The following LARP1B variants were observed in gnomAD, a reference collection of about 807,000 sequenced individuals.
The protein encoded by LARP1B is La ribonucleoprotein 1B.
A neutral mutation model predicts 114.2 loss-of-function variants in LARP1B; 76 were observed. The ratio of observed to expected loss-of-function variants is 0.67; its 90% CI spans 0.55 to 0.81. The LOEUF (loss-of-function observed/expected upper bound fraction) is 0.81, where lower values mean the gene tolerates loss of function less well. LARP1B is among the 30% of genes least tolerant of loss of function. The pLI is 0.00. For synonymous variants in LARP1B, 345 were observed against 348.0 expected (o/e 0.99, Z 0.10); for missense variants, 1,014 against 1,075.8 (o/e 0.94, Z 0.80).
chr4:128,152,349 G>A (rs1196001491), intron 11 of LARP1B, among the ~76,000 whole-genome samples: 4 of 151,132 alleles, frequency 2.6e-5, no homozygotes, highest in East Asian at 2.0e-4. Flanking sequence ...GACTACAGGC[G>A]CATACCACCA....
At chr4:128,196,248 C>CAAAAAAAAAAAAAAAAAAAAA (rs35423896) in intron 15 of LARP1B, among the ~76,000 whole-genome samples, 3 of 88,614 alleles carry the variant, frequency 3.4e-5, no homozygotes, top group African/African-American at 4.4e-5. Flanking sequence ...GAGAGTCTGT[C>CAAAAAAAAAAAAAAAAAAAAA]AAAAAAAAAA....
In LARP1B at chr4:128,171,155, G is replaced by T. The variant is rs115404599; in HGVS notation, c.1649-5717G>T. Among the ~76,000 whole-genome samples, 822 of 151,554 alleles carry T rather than the reference G, an allele frequency of 5.4e-3. 9 individuals carry two copies. The highest frequency in any genetic ancestry group is 0.019 in the African/African-American group (781 of 41,298). On this transcript the variant is annotated intron_variant, in intron 12 of 19. Transcript: ENST00000326639. ...CACCGGCCCCACCCCAAGAGATAGG[G>T]TCTCACTCTGTTGCCAAGGCTGGAG... is the stretch of plus-strand genomic sequence containing the variant.
At chr4:128,100,296 A>G (rs1322111877) in intron 8 of LARP1B, among the ~76,000 whole-genome samples, 1 of 146,394 alleles carries the variant, frequency 6.8e-6, no homozygotes, top group Non-Finnish European at 1.5e-5. Flanking sequence ...TTTTTGAGAC[A>G]GAGTCTCTCT....
Position 128,178,035 on chromosome 4 carries a change from GATATAT to G in LARP1B, c.1685-376_1685-371del, listed in dbSNP as rs35878913. ...AAAACATGAAAAAAGTTTACAAAGTGATATATATATATATATATATATATAGCATTA... is the reference window on the plus strand; with the variant it reads ...AAAACATGAAAAAAGTTTACAAAGTGATATATATATATATATATAGCATTA... On this transcript the variant is annotated intron_variant, in intron 13 of 19. Coordinates refer to ENST00000326639, the MANE Select transcript of LARP1B (RefSeq NM_018078.4). Among the ~76,000 whole-genome samples, 483 of 137,846 alleles carry G rather than the reference GATATAT, an allele frequency of 3.5e-3. 2 individuals are homozygous for G. Among genetic ancestry groups the G allele is most frequent in the Non-Finnish European group, 4.5e-3 (287 of 63,854 alleles). 90.4% of individuals were successfully genotyped at this position (137,846 alleles called of 152,430 possible). A position where few individuals can be genotyped will look rare whatever the true frequency, so the allele number is the denominator to read the frequency against.
chr4:128,107,731 A>G (rs1782598114), intron 9 of LARP1B: 2 of 1,467,600 alleles, frequency 1.4e-6, no homozygotes, highest in African/African-American at 2.8e-5. Flanking sequence ...TCTTGGAAAG[A>G]TAAAATGACC....
intron 11 of LARP1B, among the ~76,000 whole-genome samples, chr4:128,130,882 G>A (rs191917832): frequency 6.4e-4 from 97 of 152,246 alleles, no homozygotes; most frequent in Non-Finnish European, 1.1e-3. Context: ...GAAAAGACAT[G>A]GATTCATACA....
intron 1 of LARP1B, among the ~76,000 whole-genome samples, chr4:128,063,871 G>C (rs1579598959): frequency 6.6e-6 from 1 of 152,154 alleles, no homozygotes; most frequent in South Asian, 2.1e-4. Flanking sequence ...CTGTTTACTT[G>C]CAAGTCTTCA....
chr4:128,074,789 A>G (rs977276695), intron 2 of LARP1B, 145 bp from the exon 3 acceptor site: 7 of 580,416 alleles, frequency 1.2e-5, no homozygotes, highest in Non-Finnish European at 1.8e-5. Flanking sequence ...GTTTGCAGAA[A>G]CTTTTTGATT....
chr4:128,144,548 T>G (rs980912481), intron 11 of LARP1B, among the ~76,000 whole-genome samples: 5 of 152,098 alleles, frequency 3.3e-5, no homozygotes, highest in Admixed American at 6.6e-5. Flanking sequence ...TTACCCAGAC[T>G]TTTTGTGAAA....
chr4:128,113,383 C>G (rs989079186), intron 9 of LARP1B, among the ~76,000 whole-genome samples: 3 of 138,792 alleles, frequency 2.2e-5, no homozygotes, highest in Non-Finnish European at 4.5e-5. Flanking sequence ...GAGAGTTGCT[C>G]TGTCGCCCAG....
Position 128,206,549 on chromosome 4 carries a change from A to G in LARP1B, c.2419+12A>G, listed in dbSNP as rs1757640195. The G allele has an allele frequency of 1.3e-6, 2 of 1,595,474 alleles. No individual in the cohort carries two copies. Among genetic ancestry groups the G allele is most frequent in the Middle Eastern group, 3.4e-4 (2 of 5,970 alleles). ...AGACTACGAATCTGGTAACAATAACATCAGAAAACTTGTACTCTAATTGGA... is the reference window on the plus strand; with the variant it reads ...AGACTACGAATCTGGTAACAATAACGTCAGAAAACTTGTACTCTAATTGGA... On this transcript the variant is annotated intron_variant, in intron 18 of 19. Coordinates refer to ENST00000326639, the MANE Select transcript of LARP1B (RefSeq NM_018078.4).
intron 7 of LARP1B, among the ~76,000 whole-genome samples, chr4:128,094,459 G>T (rs1777158910): frequency 7.0e-6 from 1 of 143,570 alleles, no homozygotes; most frequent in Non-Finnish European, 1.5e-5. Context: ...GGAGTACAGT[G>T]GCGCAATCTC....
chr4:128,070,436 A>C (rs1764788129), intron 1 of LARP1B, among the ~76,000 whole-genome samples: 1 of 152,062 alleles, frequency 6.6e-6, no homozygotes, highest in Non-Finnish European at 1.5e-5. Flanking sequence ...TGAAGTAGGC[A>C]GATCACCTGA....
Position 128,129,869 on chromosome 4 carries a change from C to T in LARP1B, c.1524+7681C>T, listed in dbSNP as rs191458036. Among the ~76,000 whole-genome samples the T allele has an allele frequency of 1.6e-3, 237 of 152,018 alleles. 2 individuals are homozygous for T. The highest frequency in any genetic ancestry group is 2.9e-3 in the Non-Finnish European group (197 of 67,978). On this transcript the variant is annotated intron_variant, in intron 11 of 19. Coordinates refer to ENST00000326639, the MANE Select transcript of LARP1B (RefSeq NM_018078.4). ...CACCCTTCAGAAAAATTAAAGTGGA[C>T]GGACCATCGTCCAAAATGTAAAAGA...
chr4:128,127,555 C>T (rs910523949), intron 11 of LARP1B, among the ~76,000 whole-genome samples: 18 of 152,252 alleles, frequency 1.2e-4, no homozygotes, highest in African/African-American at 2.4e-4. Context: ...AAATTACGGC[C>T]GGGCACGGTG....
chr4:128,128,961 G>A (rs1313843841), intron 11 of LARP1B, among the ~76,000 whole-genome samples: 3 of 151,828 alleles, frequency 2.0e-5, no homozygotes, highest in East Asian at 1.9e-4. Flanking sequence ...TCAGGAGATC[G>A]AGACCACCCT....
At chr4:128,099,870 A>G (rs1177517468) in intron 8 of LARP1B, among the ~76,000 whole-genome samples, 2 of 152,280 alleles carry the variant, frequency 1.3e-5, no homozygotes, top group East Asian at 1.9e-4. Flanking sequence ...ACGATTATCT[A>G]TAGGACTTGT....
At chr4:128,065,305 C>CTTTCTTTCTT (rs60651805) in intron 1 of LARP1B, among the ~76,000 whole-genome samples, 2 of 118,066 alleles carry the variant, frequency 1.7e-5, no homozygotes. Flanking sequence ...TTCTTTCTTT[C>CTTTCTTTCTT]TTTCTTTCTT....
At chr4:128,091,659 C>A in intron 7 of LARP1B, 147 bp downstream of exon 7, 1 of 554,602 alleles carries the variant, frequency 1.8e-6, no homozygotes, top group Non-Finnish European at 3.0e-6. Flanking sequence ...TGTAGTGGTA[C>A]GATCTTGGCT....
Sources: gnomAD v4.1 joint callset for allele counts (sites outside exome capture counted in the v4.1 genomes callset) on GRCh38, gnomAD v4.1.1 for gene constraint, MANE v1.5 for transcripts, NCBI Gene and HGNC (gene_info 2026-07-23, HGNC 2026-07-21) for gene names.